The following FBXO33 variants were observed in gnomAD, a reference collection of about 807,000 sequenced individuals.
FBXO33 encodes the protein F-box only protein 33.
A neutral mutation model predicts 46.3 loss-of-function variants in FBXO33; 22 were observed. That is an observed-to-expected ratio of 0.48 (90% confidence interval 0.34 to 0.68). The LOEUF is 0.68. Among genes scored for constraint, FBXO33 ranks in the 30% least tolerant of loss-of-function variants. The pLI is 0.01. For missense variants in FBXO33, 692 were observed against 708.8 expected (o/e 0.98, Z 0.27); for synonymous variants, 337 against 291.3 (o/e 1.16, Z -1.60).
At chr14:39,411,947 A>C (rs1418069912) in intron 1 of FBXO33, among the ~76,000 whole-genome samples, 1 of 152,192 alleles carries the variant, frequency 6.6e-6, no homozygotes, top group East Asian at 1.9e-4. Context: ...CAATCTTCTT[A>C]AATTTGTTAA....
At chr14:39,414,639 A>G (rs1394531607) in intron 1 of FBXO33, among the ~76,000 whole-genome samples, 3 of 152,262 alleles carry the variant, frequency 2.0e-5, no homozygotes, top group Middle Eastern at 6.8e-3. Context: ...AGGTCACCGT[A>G]GAGTTATTAA....
At chr14:39,431,513 G>C in intron 1 of FBXO33, 51 bp downstream of exon 1, 1 of 1,602,156 alleles carries the variant, frequency 6.2e-7, no homozygotes, top group African/African-American at 1.3e-5. Context: ...GGGGTGCGGG[G>C]ACGGAGCGAC....
chr14:39,421,433 A>C (rs1176990560), intron 1 of FBXO33, among the ~76,000 whole-genome samples: 1 of 152,148 alleles, frequency 6.6e-6, no homozygotes, highest in East Asian at 1.9e-4. Context: ...CAGCATAGGG[A>C]GTACCACTGG....
intron 1 of FBXO33, among the ~76,000 whole-genome samples, chr14:39,429,298 C>G (rs1487801759): frequency 6.6e-6 from 1 of 151,990 alleles, no homozygotes; most frequent in Non-Finnish European, 1.5e-5. Flanking sequence ...TGATTCACAC[C>G]CCCTCTTTTC....
At chr14:39,425,214 T>A (rs1056421795) in intron 1 of FBXO33, among the ~76,000 whole-genome samples, 7 of 152,214 alleles carry the variant, frequency 4.6e-5, no homozygotes, top group African/African-American at 1.7e-4. Context: ...ACCCAGTGCT[T>A]GAGATTTCAG....
chr14:39,410,627 A>C (rs1052114639), intron 1 of FBXO33, among the ~76,000 whole-genome samples: 2 of 152,188 alleles, frequency 1.3e-5, no homozygotes, highest in Non-Finnish European at 2.9e-5. Context: ...TATTTGGTAG[A>C]ATTCACCTGT....
At chr14:39,430,442 T>C (rs947988903) in intron 1 of FBXO33, among the ~76,000 whole-genome samples, 2 of 152,204 alleles carry the variant, frequency 1.3e-5, no homozygotes, top group Non-Finnish European at 2.9e-5. Flanking sequence ...CTCAACCTTG[T>C]TCAACATAAT....
At chr14:39,410,721 T>C (rs1234989227) in intron 1 of FBXO33, among the ~76,000 whole-genome samples, 1 of 152,224 alleles carries the variant, frequency 6.6e-6, no homozygotes, top group Non-Finnish European at 1.5e-5. Flanking sequence ...ATTGGTCTGA[T>C]GGTATTTTAT....
At chr14:39,425,751 T>C (rs2075509628) in intron 1 of FBXO33, among the ~76,000 whole-genome samples, 1 of 152,244 alleles carries the variant, frequency 6.6e-6, no homozygotes, top group Non-Finnish European at 1.5e-5. Flanking sequence ...GGAAGTGTAC[T>C]ATTCTTTGTT....
intron 1 of FBXO33, among the ~76,000 whole-genome samples, chr14:39,424,317 C>A (rs1422224450): frequency 6.6e-6 from 1 of 152,180 alleles, no homozygotes; most frequent in Non-Finnish European, 1.5e-5. Flanking sequence ...CTTTATATTT[C>A]TTCGTAGCAT....
chr14:39,402,073 C>CA (rs2075371235), intron 2 of FBXO33, among the ~76,000 whole-genome samples: 1 of 152,060 alleles, frequency 6.6e-6, no homozygotes, highest in Non-Finnish European at 1.5e-5. Context: ...CTATTAAACA[C>CA]GTAGAAATAT....
At chr14:39,431,194 GT>G (rs1435093023) in intron 1 of FBXO33, among the ~76,000 whole-genome samples, 1 of 152,136 alleles carries the variant, frequency 6.6e-6, no homozygotes. Flanking sequence ...TTATGTGTAT[GT>G]TTTGTTTCTT....
Position 39,431,870 on chromosome 14 carries a change from C to T in FBXO33, c.293G>A (p.Trp98Ter). Reference sequence around the variant, plus strand: ...GGCCGGATAGAAGAGGCACTCACGCCAGTGCGAGCAGGAGGCCGAGGCCCG... The same window carrying T: ...GGCCGGATAGAAGAGGCACTCACGCTAGTGCGAGCAGGAGGCCGAGGCCCG... ...RLRASASCSH[W>*]RECLFYPALW... The change falls in exon 1 of 4, where the codon TGG becomes TAG. Residue 98 changes from tryptophan (W) to a stop codon, truncating the protein, a stop_gained. Transcript: ENST00000298097. LOFTEE classifies it high-confidence loss of function. 1 of 1,579,704 alleles carries T rather than the reference C, an allele frequency of 6.3e-7. No individual in the cohort carries two copies. The highest frequency in any genetic ancestry group is 2.3e-5 in the East Asian group (1 of 43,762).
chr14:39,432,159 A>G lies in FBXO33; in HGVS notation c.4T>C (p.Leu2=). ...GGCTGCGGCACTGACAAGAACAACA[A>G]CATCAATGACTAGGAAGAAGGGGGC... is the stretch of plus-strand genomic sequence containing the variant. M[L]LFLSVPQPRP... is the part of the protein sequence containing the mutation. Residue 2 remains leucine (L), a synonymous_variant, in exon 1 of 4, where the codon TTG becomes CTG. Coordinates refer to ENST00000298097, the MANE Select transcript of FBXO33 (RefSeq NM_203301.4). 2 of 1,232,994 alleles carry G rather than the reference A, an allele frequency of 1.6e-6. No individual in the cohort carries two copies. The highest frequency in any genetic ancestry group is 2.0e-6 in the Non-Finnish European group (2 of 986,996). The allele number at this position is 1,232,994 out of a possible 1,614,324, so 76.4% of individuals were successfully genotyped here.
chr14:39,420,616 A>G (rs1036783664), intron 1 of FBXO33, among the ~76,000 whole-genome samples: 4 of 152,076 alleles, frequency 2.6e-5, no homozygotes, highest in Admixed American at 2.0e-4. Flanking sequence ...GCGTGAACCC[A>G]GGAGGCAGAG....
intron 1 of FBXO33, among the ~76,000 whole-genome samples, chr14:39,422,088 T>C (rs1020023575): frequency 6.6e-6 from 1 of 152,072 alleles, no homozygotes; most frequent in African/African-American, 2.4e-5. Flanking sequence ...TGAAACCCCG[T>C]CTTTACTAAA....
At chr14:39,431,522 AC>A (rs1279905403) in intron 1 of FBXO33, 41 bp downstream of exon 1, 6 of 1,603,778 alleles carry the variant, frequency 3.7e-6, no homozygotes, top group South Asian at 2.2e-5. Flanking sequence ...GGACGGAGCG[AC>A]CCCCCGTTAC....
intron 1 of FBXO33, among the ~76,000 whole-genome samples, chr14:39,417,628 T>C (rs370078959): frequency 2.7e-4 from 41 of 152,230 alleles, no homozygotes; most frequent in South Asian, 8.3e-4. Context: ...CCTCCTGGGT[T>C]CAAGCAATTC....
chr14:39,413,308 GT>G (rs1350651842), intron 1 of FBXO33, among the ~76,000 whole-genome samples: 3 of 152,186 alleles, frequency 2.0e-5, no homozygotes, highest in East Asian at 1.9e-4. Context: ...ATGCATTCCA[GT>G]TTTATGATGA....
Sources: allele counts gnomAD v4.1 joint callset (sites outside exome capture counted in the v4.1 genomes callset), GRCh38; gene constraint gnomAD v4.1.1; transcripts MANE v1.5; gene names NCBI Gene and HGNC (gene_info 2026-07-23, HGNC 2026-07-21).